Variants in CREBBP observed in about 807,000 individuals in gnomAD.
The protein encoded by CREBBP is CREB binding lysine acetyltransferase.
A neutral mutation model predicts 265.0 loss-of-function variants in CREBBP; 19 were observed. The ratio of observed to expected loss-of-function variants is 0.07; its 90% CI spans 0.05 to 0.11. The LOEUF (loss-of-function observed/expected upper bound fraction) is 0.11. CREBBP is among the 10% of genes least tolerant of loss of function. CREBBP has a pLI of 1.00. For missense variants in CREBBP, 2,525 were observed against 3,219.0 expected, an observed-to-expected ratio of 0.78 and a Z score of 5.22; for synonymous variants, 1,457 against 1,223.7, an observed-to-expected ratio of 1.19 and a Z score of -3.98.
intron 2 of CREBBP, 59 bp from the exon 3 acceptor site, chr16:3,810,838 C>G (rs374143602): frequency 3.2e-6 from 5 of 1,553,394 alleles, no homozygotes; most frequent in Non-Finnish European, 3.5e-6. Context: ...AAAGGAAGGG[C>G]CTGGGAAATG....
chr16:3,806,251 A>G (rs1010597467), intron 3 of CREBBP, among the ~76,000 whole-genome samples: 6 of 152,156 alleles, frequency 3.9e-5, no homozygotes, highest in Non-Finnish European at 1.5e-5. Context: ...CCGTCTACAC[A>G]GTCTTCCAGC....
intron 20 of CREBBP, among the ~76,000 whole-genome samples, chr16:3,750,999 G>C (rs578222745): frequency 1.3e-5 from 2 of 152,260 alleles, no homozygotes; most frequent in South Asian, 4.1e-4. Context: ...AAGGCAGGAG[G>C]ACTGCTTGAG....
intron 1 of CREBBP, among the ~76,000 whole-genome samples, chr16:3,869,470 T>C (rs2055247533): frequency 6.6e-6 from 1 of 152,208 alleles, no homozygotes; most frequent in South Asian, 2.1e-4. Context: ...AAAGGAACTT[T>C]GTCATAAATA....
At chr16:3,849,110 G>A (rs1465568168) in intron 2 of CREBBP, among the ~76,000 whole-genome samples, 3 of 152,182 alleles carry the variant, frequency 2.0e-5, no homozygotes, top group East Asian at 1.9e-4. Flanking sequence ...TCTGGGATGT[G>A]CTGAATTCCA....
intron 16 of CREBBP, among the ~76,000 whole-genome samples, chr16:3,760,694 G>A (rs1319514156): frequency 6.6e-6 from 1 of 151,164 alleles, no homozygotes; most frequent in Non-Finnish European, 1.5e-5. Context: ...ATGAGCCACT[G>A]TACCCAGCCA....
At chr16:3,823,778 T>G (rs887440191) in intron 2 of CREBBP, among the ~76,000 whole-genome samples, 8 of 152,098 alleles carry the variant, frequency 5.3e-5, no homozygotes, top group Non-Finnish European at 7.3e-5. Flanking sequence ...TGGACCTGAA[T>G]GCATTTAGTT....
rs141810409 is a variant in CREBBP at position 3,735,214 on chromosome 16, C to A, written c.4728+822G>T. Among the ~76,000 whole-genome samples, 126 of 152,338 alleles carry A rather than the reference C, an allele frequency of 8.3e-4. No individual in the cohort carries two copies. In the Middle Eastern group the frequency reaches 0.017, roughly 21 times the overall value. ...CTCCTTCCCCTTCAGAGCTCTGCCA[C>A]GCTCAGAGCACACCATGCTTGGGTC... is the stretch of plus-strand genomic sequence containing the variant. On this transcript the variant is annotated intron_variant, in intron 28 of 30. Coordinates refer to ENST00000262367, the MANE Select transcript of CREBBP (RefSeq NM_004380.3).
chr16:3,811,701 C>A (rs995661173), intron 2 of CREBBP, among the ~76,000 whole-genome samples: 4 of 152,076 alleles, frequency 2.6e-5, no homozygotes, highest in Non-Finnish European at 4.4e-5. Context: ...ATCATGCTGG[C>A]CAGGCTGTTC....
chr16:3,827,414 C>CA (rs753550547), intron 2 of CREBBP, among the ~76,000 whole-genome samples: 16 of 152,116 alleles, frequency 1.1e-4, no homozygotes, highest in Non-Finnish European at 1.9e-4. Flanking sequence ...TTGACTGAGA[C>CA]AGAGTCTCAC....
chr16:3,828,249 T>G (rs749635760), intron 2 of CREBBP, among the ~76,000 whole-genome samples: 32 of 152,136 alleles, frequency 2.1e-4, no homozygotes, highest in Non-Finnish European at 4.1e-4. Flanking sequence ...TGTGCCACCA[T>G]GCCCAGCTAA....
intron 2 of CREBBP, among the ~76,000 whole-genome samples, chr16:3,848,255 A>G (rs937348845): frequency 4.6e-5 from 7 of 152,104 alleles, no homozygotes; most frequent in Admixed American, 3.9e-4. Context: ...AGTTACTGTT[A>G]AATCTGTTAA....
At position 3,880,060 on chromosome 16, in the gene CREBBP, G is replaced by C. The variant is rs1172306550; in HGVS notation, c.-144C>G. ...CGGGCGGGCGCCGAGGGAGAGGGAG[G>C]GCGCAGGCCGGGTGGGGGAGGCGGC... is the stretch of plus-strand genomic sequence containing the variant. On this transcript the variant is annotated 5_prime_UTR_variant, in exon 1 of 31. Coordinates refer to ENST00000262367, the MANE Select transcript of CREBBP (RefSeq NM_004380.3). 2.1e-6 allele frequency: 1 copy of C among 481,874 alleles called. No homozygotes were observed. The highest frequency in any genetic ancestry group is 4.9e-5 in the East Asian group (1 of 20,318). The allele number at this position is 481,874 out of a possible 1,614,324, so 29.8% of individuals were successfully genotyped here.
At chr16:3,794,179 T>A (rs1192838522) in intron 3 of CREBBP, among the ~76,000 whole-genome samples, 2 of 151,228 alleles carry the variant, frequency 1.3e-5, no homozygotes, top group African/African-American at 4.9e-5. Flanking sequence ...ACAGAAAAAA[T>A]TAGGACTATA....
intron 21 of CREBBP, among the ~76,000 whole-genome samples, chr16:3,749,146 AAAAAC>A (rs1382952475): frequency 1.3e-5 from 2 of 152,238 alleles, no homozygotes; most frequent in East Asian, 1.9e-4. Flanking sequence ...GACTGTCTCA[AAAAAC>A]AAAACAAAAC....
Position 3,728,705 on chromosome 16 carries a change from G to A in CREBBP, c.6342C>T (p.Gly2114=), listed in dbSNP as rs2151304587. 1.9e-6 allele frequency: 3 copies of A among 1,614,012 alleles called. No individual in the cohort carries two copies. The highest frequency in any genetic ancestry group is 1.7e-5 in the Admixed American group (1 of 60,034). The change falls in exon 31 of 31, where the codon GGC becomes GGT. Residue 2114 remains glycine (G), a synonymous_variant. Coordinates refer to ENST00000262367, the MANE Select transcript of CREBBP (RefSeq NM_004380.3). This position sits in a 1 kb window ranked among gnomAD's most constrained non-coding sequence, Gnocchi z 8.7. ...RTAKYVANQP[G]MQPQPGLQSQ... The stretch of plus-strand genomic sequence containing the variant: ...ACTGGAGGCCAGGCTGGGGCTGCAT[G>A]CCGGGCTGATTGGCCACGTACTTGG...
chr16:3,868,956 C>A (rs564222215), intron 1 of CREBBP, among the ~76,000 whole-genome samples: 4 of 152,302 alleles, frequency 2.6e-5, no homozygotes, highest in Admixed American at 2.6e-4. Flanking sequence ...CAGGGCAGAA[C>A]CACACCTTTA....
At chr16:3,802,111 TTAA>T (rs2053725866) in intron 3 of CREBBP, among the ~76,000 whole-genome samples, 1 of 139,038 alleles carries the variant, frequency 7.2e-6, no homozygotes, top group African/African-American at 2.7e-5. Context: ...CTGGTATTCC[TTAA>T]TTTTTTTTTT....
intron 10 of CREBBP, 84 bp downstream of exon 10, chr16:3,777,927 C>A (rs2053183430): frequency 1.3e-6 from 2 of 1,489,812 alleles, no homozygotes; most frequent in Non-Finnish European, 1.9e-6. Flanking sequence ...TATTCTAATT[C>A]TCTGTTCTTA....
chr16:3,755,819 T>C (rs748561789), intron 19 of CREBBP, among the ~76,000 whole-genome samples: 3 of 152,206 alleles, frequency 2.0e-5, no homozygotes, highest in African/African-American at 4.8e-5. Context: ...TTGCACACGC[T>C]GCACTTCTAG....
Sources: gnomAD v4.1 joint callset for allele counts (sites outside exome capture counted in the v4.1 genomes callset) on GRCh38, gnomAD v4.1.1 for gene constraint, Gnocchi (gnomAD v3.1) non-coding constraint, MANE v1.5 for transcripts, NCBI Gene and HGNC (gene_info 2026-07-23, HGNC 2026-07-21) for gene names.